ALDH1A2: variants seen among roughly 807,000 people sequenced by gnomAD.
The protein encoded by ALDH1A2 is aldehyde dehydrogenase 1 family member A2.
ALDH1A2 carries 27 observed loss-of-function variants against 60.3 expected under a neutral mutation model. The ratio of observed to expected loss-of-function variants is 0.45; its 90% CI spans 0.33 to 0.62. The LOEUF (loss-of-function observed/expected upper bound fraction) is 0.62. Ranked by LOEUF, ALDH1A2 falls within the 20% of genes least tolerant of loss-of-function variation. The probability of loss-of-function intolerance (pLI) is 0.02; values close to 1 mark genes in which losing one functional copy is unlikely to be tolerated. For missense variants in ALDH1A2, 581 were observed against 643.8 expected (o/e 0.90, Z 1.06); for synonymous variants, 289 against 232.4 (o/e 1.24, Z -2.21).
At chr15:57,984,134 G>A (rs939961727) in intron 7 of ALDH1A2, among the ~76,000 whole-genome samples, 7 of 152,178 alleles carry the variant, frequency 4.6e-5, no homozygotes, top group Non-Finnish European at 1.0e-4. Context: ...CTGTAATATG[G>A]AATATAGGCC....
intron 1 of ALDH1A2, among the ~76,000 whole-genome samples, chr15:58,027,346 A>T (rs1414884593): frequency 6.6e-6 from 1 of 152,186 alleles, no homozygotes; most frequent in African/African-American, 2.4e-5. Context: ...AATAGCATCA[A>T]CATCAACAAA....
chr15:57,979,120 T>G (rs752591808), intron 7 of ALDH1A2, among the ~76,000 whole-genome samples: 7 of 152,008 alleles, frequency 4.6e-5, no homozygotes, highest in Non-Finnish European at 8.8e-5. Flanking sequence ...AGGCCTCACT[T>G]TCCCCACTGG....
intron 1 of ALDH1A2, among the ~76,000 whole-genome samples, chr15:58,033,425 G>T (rs1896295730): frequency 6.6e-6 from 1 of 151,580 alleles, no homozygotes; most frequent in African/African-American, 2.4e-5. Flanking sequence ...CCTTCTATTG[G>T]TTTGGAAGTT....
intron 1 of ALDH1A2, among the ~76,000 whole-genome samples, chr15:58,043,477 A>G (rs1896567183): frequency 6.6e-6 from 1 of 152,010 alleles, no homozygotes; most frequent in African/African-American, 2.4e-5. Flanking sequence ...TCCTTCTCTA[A>G]AGAGTGTATG....
intron 4 of ALDH1A2, 126 bp downstream of exon 4, chr15:58,010,523 T>G (rs1895598229): frequency 7.7e-7 from 1 of 1,290,706 alleles, no homozygotes; most frequent in African/African-American, 1.5e-5. Context: ...GGTTCTTCAC[T>G]CAGTTCTAAC....
intron 12 of ALDH1A2, among the ~76,000 whole-genome samples, chr15:57,958,292 A>T (rs1236716871): frequency 6.6e-6 from 1 of 152,176 alleles, no homozygotes; most frequent in Non-Finnish European, 1.5e-5. Flanking sequence ...CAGTGTCCTG[A>T]GTTTTTAAAA....
intron 1 of ALDH1A2, among the ~76,000 whole-genome samples, chr15:58,015,302 A>G (rs1455876588): frequency 6.6e-6 from 1 of 152,218 alleles, no homozygotes; most frequent in Non-Finnish European, 1.5e-5. Context: ...CACTTGGTAA[A>G]TATCAAATTC....
In ALDH1A2 at chr15:57,992,885, C is replaced by T. The variant is rs1236731112; in HGVS notation, c.684+60G>A. On this transcript the variant is annotated intron_variant, in intron 6 of 12. Coordinates refer to ENST00000249750, the MANE Select transcript of ALDH1A2 (RefSeq NM_003888.4). ...GATGCATCATGTTAAATGAGATATG[C>T]TCTAGTAGGCTCCAGCTGTAAGGGG... 2.5e-6 allele frequency: 4 copies of T among 1,613,620 alleles called. No homozygotes were observed. In the Admixed American group the frequency reaches 5.0e-5, roughly 20 times the overall value.
chr15:57,967,740 G>T (rs34608658), intron 7 of ALDH1A2, among the ~76,000 whole-genome samples: 21 of 152,284 alleles, frequency 1.4e-4, no homozygotes, highest in Non-Finnish European at 2.6e-4. Context: ...GCTAACACCT[G>T]GCCCTGAAGT....
chr15:58,035,719 C>G (rs764319078), intron 1 of ALDH1A2, among the ~76,000 whole-genome samples: 13 of 151,600 alleles, frequency 8.6e-5, no homozygotes, highest in Admixed American at 2.6e-4. Context: ...TTTGGTTTTT[C>G]CAGCTATCTT....
intron 1 of ALDH1A2, among the ~76,000 whole-genome samples, chr15:58,060,212 C>T (rs918262636): frequency 5.9e-5 from 9 of 152,258 alleles, no homozygotes; most frequent in South Asian, 2.1e-4. Context: ...TGAGCCACTG[C>T]GCCTGGCCAG....
intron 1 of ALDH1A2, among the ~76,000 whole-genome samples, chr15:58,050,085 G>GT (rs1896737377): frequency 1.3e-5 from 2 of 151,952 alleles, no homozygotes; most frequent in Non-Finnish European, 1.5e-5. Flanking sequence ...TTATCTCAAT[G>GT]TTTTTGTTTG....
intron 7 of ALDH1A2, among the ~76,000 whole-genome samples, chr15:57,969,827 T>C (rs1442896580): frequency 6.6e-6 from 1 of 152,226 alleles, no homozygotes; most frequent in Non-Finnish European, 1.5e-5. Context: ...ACTCGTGTGA[T>C]ACCTCCTGCC....
At chr15:57,965,172 T>C (rs1893853907) in intron 8 of ALDH1A2, among the ~76,000 whole-genome samples, 1 of 152,144 alleles carries the variant, frequency 6.6e-6, no homozygotes, top group Admixed American at 6.5e-5. Flanking sequence ...AAGGTCCTAC[T>C]GGCAAGTGGA....
chr15:57,963,347 C>CTTT lies in ALDH1A2; in HGVS notation c.1086+535_1086+537dup, dbSNP rs67005556. ...GCTTAGTCCCAAAGGTCAGAATATTCTTTTTTTTTTTTTTTTGAGACGGAG... is the reference window on the plus strand; with the variant it reads ...GCTTAGTCCCAAAGGTCAGAATATTCTTTTTTTTTTTTTTTTTTTGAGACGGAG... On this transcript the variant is annotated intron_variant, in intron 9 of 12. Coordinates refer to ENST00000249750, the MANE Select transcript of ALDH1A2 (RefSeq NM_003888.4). Among the ~76,000 whole-genome samples the CTTT allele has an allele frequency of 2.0e-3, 281 of 137,512 alleles. 3 individuals carry two copies. The highest frequency in any genetic ancestry group is 6.1e-3 in the South Asian group (26 of 4,264). 90.2% of individuals were successfully genotyped at this position (137,512 alleles called of 152,430 possible).
intron 3 of ALDH1A2, 92 bp downstream of exon 3, chr15:58,013,751 CAAAAAATAAAATAAA>C (rs1895704283): frequency 6.9e-7 from 1 of 1,446,846 alleles, no homozygotes; most frequent in Non-Finnish European, 9.2e-7. Flanking sequence ...GACTCCGTCT[CAAAAAATAAAATAAA>C]TAAAAATAAA....
At chr15:58,012,317 C>T (rs577286215) in intron 3 of ALDH1A2, among the ~76,000 whole-genome samples, 1 of 152,142 alleles carries the variant, frequency 6.6e-6, no homozygotes, top group South Asian at 2.1e-4. Flanking sequence ...ACCTATGTGC[C>T]CTCATTTGCC....
At chr15:57,957,884 C>T (rs1893582305) in intron 12 of ALDH1A2, among the ~76,000 whole-genome samples, 1 of 151,770 alleles carries the variant, frequency 6.6e-6, no homozygotes, top group Non-Finnish European at 1.5e-5. Flanking sequence ...CCATCAGCAT[C>T]AGAGGAGCTT....
At position 57,992,802 on chromosome 15, in the gene ALDH1A2, C is replaced by T; in HGVS notation, c.701G>A (p.Gly234Glu). Residue 234 changes from glycine (G) to glutamate (E), a missense_variant, in exon 7 of 13, where the codon GGG becomes GAG. Physicochemically the swap from Gly to Glu is moderately conservative, Grantham distance 98 (BLOSUM62 -2). This residue lies in a region of ALDH1A2 where 375 missense variants were observed against 469.7 expected (regional missense o/e 0.80). Transcript: ENST00000249750. The stretch of plus-strand genomic sequence containing the variant: ...ATATCCTGGCAAAATATTGATGACC[C>T]CGGGAGGAAAGCCAGCCTAAGAAAA... ...ALIKEAGFPP[G>E]VINILPGYGP... The T allele has an allele frequency of 6.2e-7, 1 of 1,614,066 alleles. No homozygotes were observed. Among genetic ancestry groups the T allele is most frequent in the South Asian group, 1.1e-5 (1 of 91,082 alleles).
Sources: allele counts gnomAD v4.1 joint callset (sites outside exome capture counted in the v4.1 genomes callset), GRCh38; gene constraint gnomAD v4.1.1; regional missense constraint gnomAD v4.1.1; transcripts MANE v1.5; gene names NCBI Gene and HGNC (gene_info 2026-07-23, HGNC 2026-07-21).